The following RASL12 variants were observed in gnomAD, a reference collection of about 807,000 sequenced individuals.
RASL12 encodes ras-like protein family member 12.
A neutral mutation model predicts 22.9 loss-of-function variants in RASL12; 16 were observed. The observed-to-expected ratio is 0.70, with a 90% CI of 0.47 to 1.06. RASL12 has a LOEUF of 1.06. RASL12 is among the 50% of genes least tolerant of loss of function. The pLI, the probability that RASL12 is intolerant of heterozygous loss-of-function variation, is 0.00. For synonymous variants in RASL12, 159 were observed against 152.2 expected (o/e 1.04, Z -0.33); for missense variants, 306 against 353.1 (o/e 0.87, Z 1.07).
At chr15:65,047,818 T>TAGAC in the RASL12 span, among the ~76,000 whole-genome samples, 2 of 152,024 alleles carry the variant, frequency 1.3e-5, no homozygotes, top group African/African-American at 4.8e-5. Flanking sequence ...GATAGATAGA[T>TAGAC]AGATAGATAG....
intron 4 of RASL12, among the ~76,000 whole-genome samples, chr15:65,058,009 C>T (rs959966392): frequency 3.5e-4 from 53 of 152,184 alleles, no homozygotes; most frequent in African/African-American, 1.2e-3. Flanking sequence ...CGGTGGCTCA[C>T]GCCTGTAATC....
intron 1 of RASL12, among the ~76,000 whole-genome samples, chr15:65,075,606 G>A (rs1032648247): frequency 6.6e-6 from 1 of 152,112 alleles, no homozygotes; most frequent in Non-Finnish European, 1.5e-5. Flanking sequence ...CCTGTGTCTA[G>A]CTCAGGGTTT....
At chr15:65,066,320 C>A (rs2086879072) in intron 1 of RASL12, among the ~76,000 whole-genome samples, 1 of 151,982 alleles carries the variant, frequency 6.6e-6, no homozygotes, top group Non-Finnish European at 1.5e-5. Flanking sequence ...GGGATTGAGA[C>A]CAGCCTGGGC....
intron 1 of RASL12, among the ~76,000 whole-genome samples, chr15:65,074,686 C>T (rs1012314551): frequency 2.0e-5 from 3 of 152,196 alleles, no homozygotes; most frequent in African/African-American, 7.2e-5. Context: ...AATGAGCCAC[C>T]GTTCCTGGCC....
chr15:65,075,908 A>G (rs1248790446), intron 1 of RASL12, among the ~76,000 whole-genome samples: 2 of 152,100 alleles, frequency 1.3e-5, no homozygotes, highest in Non-Finnish European at 2.9e-5. Flanking sequence ...AAACACACCA[A>G]TCAGCACCCT....
chr15:65,062,049 C>T (rs1027231694), intron 2 of RASL12, among the ~76,000 whole-genome samples: 5 of 150,112 alleles, frequency 3.3e-5, no homozygotes, highest in African/African-American at 1.2e-4. Context: ...CCACTGCACT[C>T]CAGCCTGGGT....
At chr15:65,050,134 G>A (rs1002919236), downstream of RASL12, 3 of 1,521,794 alleles carry the variant, frequency 2.0e-6, no homozygotes, top group South Asian at 2.4e-5. Context: ...CAGGGGTGGG[G>A]GTGTGCCCCT....
At chr15:65,051,265 C>T (rs915915868), downstream of RASL12, among the ~76,000 whole-genome samples, 9 of 152,328 alleles carry the variant, frequency 5.9e-5, no homozygotes, top group East Asian at 1.7e-3. Context: ...CCCCTGTTGC[C>T]CCACTATTAT....
At chr15:65,060,212 A>T (rs1438072560) in intron 2 of RASL12, among the ~76,000 whole-genome samples, 1 of 152,222 alleles carries the variant, frequency 6.6e-6, no homozygotes, top group Non-Finnish European at 1.5e-5. Flanking sequence ...CCCCCCAGGC[A>T]TGGGGCCTGG....
At chr15:65,055,344 C>G in intron 4 of RASL12, 70 bp from the exon 5 acceptor site, 1 of 1,380,884 alleles carries the variant, frequency 7.2e-7, no homozygotes, top group Non-Finnish European at 9.6e-7. Flanking sequence ...CCAGCTCCTA[C>G]ACCCAGCGCC....
chr15:65,070,472 T>A (rs1241452176), upstream of RASL12, among the ~76,000 whole-genome samples: 13 of 152,182 alleles, frequency 8.5e-5, no homozygotes, highest in African/African-American at 3.1e-4. Context: ...AGAGAGAGGT[T>A]ATTCTGCTAG....
chr15:65,049,750 C>T, downstream of RASL12: 1 of 382,912 alleles, frequency 2.6e-6, no homozygotes, highest in Non-Finnish European at 4.7e-6. Context: ...CACTTCCAGT[C>T]TCTGCCCCTC....
At chr15:65,073,624 G>A (rs966100230) in intron 1 of RASL12, among the ~76,000 whole-genome samples, 1 of 152,226 alleles carries the variant, frequency 6.6e-6, no homozygotes. Flanking sequence ...CATGGCCCCA[G>A]GGTTGGGGAC....
chr15:65,076,610 A>T, exon 1 of RASL12: 1 of 703,350 alleles, frequency 1.4e-6, no homozygotes, highest in East Asian at 2.7e-5. Flanking sequence ...TCTTCTAAGG[A>T]TATGAGTGAT....
In RASL12 at chr15:65,058,611, G is replaced by T; in HGVS notation, c.241C>A (p.Pro81Thr). Reference protein sequence around the residue: ...RVMDTADLDTPRNCERYLNWA... With the variant: ...RVMDTADLDTTRNCERYLNWA... ...TTCAGGTAGCGCTCGCAGTTCCTGG[G>T]GGTGTCCTGGGGTGAAGGTGAGAAG... Residue 81 changes from proline to threonine, a missense_variant, in exon 4 of 5, where the codon CCC becomes ACC. Pro to Thr is a conservative substitution (Grantham distance 38). Transcript: ENST00000220062. 1 of 1,535,878 alleles carries T rather than the reference G, an allele frequency of 6.5e-7. No individual in the cohort carries two copies. Among genetic ancestry groups the T allele is most frequent in the Non-Finnish European group, 8.8e-7 (1 of 1,130,964 alleles).
At chr15:65,048,993 G>A, downstream of RASL12, among the ~76,000 whole-genome samples, 1 of 133,222 alleles carries the variant, frequency 7.5e-6, no homozygotes, top group East Asian at 2.2e-4. Context: ...CTGGGCGACA[G>A]AGTGAGACTC....
At chr15:65,055,382 C>A (rs1445598163) in intron 4 of RASL12, 108 bp from the exon 5 acceptor site, 6 of 906,352 alleles carry the variant, frequency 6.6e-6, no homozygotes, top group Non-Finnish European at 9.7e-6. Context: ...GGCCTGGGGT[C>A]ATCTTCACCT....
Position 65,059,401 on chromosome 15 carries a change from C to T in RASL12, c.178G>A (p.Glu60Lys), listed in dbSNP as rs759287790. The T allele has an allele frequency of 2.1e-5, 34 of 1,613,776 alleles. No homozygotes were observed. The East Asian group carries it at 6.2e-4, about 30-fold the overall frequency. Reference protein sequence around the residue: ...DPNLEDTYSSEETVDHQPVHL... With the variant: ...DPNLEDTYSSKETVDHQPVHL... ...ACAGGCTGGTGGTCCACAGTCTCCT[C>T]GGAGCTGTAGGTGTCCTCTACAACA... Residue 60 changes from glutamate (E) to lysine (K), a missense_variant, in exon 3 of 5, where the codon GAG (glutamate) becomes AAG (lysine). Transcript: ENST00000220062.
upstream of RASL12, among the ~76,000 whole-genome samples, chr15:65,069,447 G>C (rs569560305): frequency 1.3e-5 from 2 of 152,352 alleles, no homozygotes; most frequent in East Asian, 3.9e-4. Flanking sequence ...GGCCTTTGGG[G>C]ATAGAACCAA....
Sources: gnomAD v4.1 joint callset for allele counts (sites outside exome capture counted in the v4.1 genomes callset) on GRCh38, gnomAD v4.1.1 for gene constraint, MANE v1.5 for transcripts, NCBI Gene and HGNC (gene_info 2026-07-23, HGNC 2026-07-21) for gene names.